Variants in QSOX1 observed in about 807,000 individuals in gnomAD.
QSOX1 encodes the protein quiescin sulfhydryl oxidase 1, also known as sulfhydryl oxidase 1.
In QSOX1, 40 loss-of-function variants were observed where a neutral mutation model predicts 76.1. That is an observed-to-expected ratio of 0.53 (90% confidence interval 0.41 to 0.68). QSOX1 has a LOEUF of 0.68. Ranked by LOEUF, QSOX1 falls within the 30% of genes least tolerant of loss-of-function variation. QSOX1 has a pLI of 0.00. For synonymous variants in QSOX1, 392 were observed against 413.1 expected (o/e 0.95, Z 0.62); for missense variants, 931 against 974.3 (o/e 0.96, Z 0.59).
At chr1:180,169,666 TG>T (rs1662718049) in intron 2 of QSOX1, among the ~76,000 whole-genome samples, 1 of 152,208 alleles carries the variant, frequency 6.6e-6, no homozygotes, top group Non-Finnish European at 1.5e-5. Context: ...GGGCCACCCG[TG>T]GGGCTGCTGG....
intron 5 of QSOX1, among the ~76,000 whole-genome samples, chr1:180,180,489 C>T (rs541127130): frequency 1.8e-4 from 28 of 152,238 alleles, no homozygotes; most frequent in East Asian, 7.7e-4. Context: ...GGATTACAGA[C>T]GTGAGCCACT....
intron 8 of QSOX1, 66 bp from the exon 9 acceptor site, chr1:180,189,486 T>A: frequency 1.0e-6 from 1 of 953,274 alleles, no homozygotes; most frequent in Non-Finnish European, 1.4e-6. Flanking sequence ...CTTCCTACCA[T>A]CTGCAGGACG....
intron 11 of QSOX1, among the ~76,000 whole-genome samples, chr1:180,195,670 TC>T (rs1196857153): frequency 6.6e-6 from 1 of 151,712 alleles, no homozygotes; most frequent in Non-Finnish European, 1.5e-5. Flanking sequence ...CCCTCAGGTC[TC>T]CCCCCAACTA....
intron 3 of QSOX1, among the ~76,000 whole-genome samples, 155 bp downstream of exon 3, chr1:180,175,521 T>C (rs1662867724): frequency 1.3e-5 from 2 of 152,122 alleles, no homozygotes; most frequent in South Asian, 4.1e-4. Flanking sequence ...TTCCCAAAAC[T>C]ATCCTCCCAG....
intron 1 of QSOX1, among the ~76,000 whole-genome samples, chr1:180,165,965 T>C (rs574769211): frequency 6.6e-6 from 1 of 152,308 alleles, no homozygotes; most frequent in Non-Finnish European, 1.5e-5. Context: ...GGGGACCCAG[T>C]TCCTGATACC....
chr1:180,157,842 A>G (rs1337210085), intron 1 of QSOX1, among the ~76,000 whole-genome samples: 2 of 152,226 alleles, frequency 1.3e-5, no homozygotes, highest in African/African-American at 4.8e-5. Flanking sequence ...GCAGTTGGGG[A>G]AATGAGCTAC....
intron 1 of QSOX1, among the ~76,000 whole-genome samples, chr1:180,165,797 G>C (rs1472042654): frequency 6.6e-6 from 1 of 152,248 alleles, no homozygotes; most frequent in East Asian, 1.9e-4. Context: ...TTTCTTCTCA[G>C]TTCCTGGGCT....
chr1:180,164,153 C>A (rs1352639588), intron 1 of QSOX1, among the ~76,000 whole-genome samples: 2 of 152,144 alleles, frequency 1.3e-5, no homozygotes, highest in African/African-American at 4.8e-5. Context: ...TGCAACAGGC[C>A]CTGACCATAC....
chr1:180,167,964 T>A (rs1252397373), intron 2 of QSOX1, among the ~76,000 whole-genome samples: 1 of 152,200 alleles, frequency 6.6e-6, no homozygotes, highest in Non-Finnish European at 1.5e-5. Flanking sequence ...GAACCATCAT[T>A]CACAGGCTGA....
intron 10 of QSOX1, among the ~76,000 whole-genome samples, chr1:180,191,565 CAT>C (rs1053342628): frequency 2.0e-5 from 3 of 152,250 alleles, no homozygotes; most frequent in African/African-American, 7.2e-5. Context: ...GACACAGCAG[CAT>C]ATGAGACAGG....
At chr1:180,157,330 C>G (rs985964996) in intron 1 of QSOX1, among the ~76,000 whole-genome samples, 1 of 152,200 alleles carries the variant, frequency 6.6e-6, no homozygotes, top group African/African-American at 2.4e-5. Flanking sequence ...GTCCTCCACT[C>G]TAACCCAAAG....
intron 11 of QSOX1, among the ~76,000 whole-genome samples, chr1:180,194,997 G>GGGGT (rs1553275527): frequency 7.3e-6 from 1 of 137,728 alleles, no homozygotes; most frequent in African/African-American, 2.8e-5. Context: ...ACAGCCTCCC[G>GGGGT]GGGGGGGGAG....
rs969985291 is a variant in QSOX1, at chr1:180,186,153, C to T, written c.988C>T (p.Leu330=). The T allele has an allele frequency of 1.2e-6, 2 of 1,613,846 alleles. No homozygotes were observed. Among genetic ancestry groups the T allele is most frequent in the African/African-American group, 1.3e-5 (1 of 75,056 alleles). Reference sequence around the variant, plus strand: ...CCTGGAAGGGCAGCGCCTGGTGGCCCTGAAAAAGTTTGTGGCAGTGCTGGC... The same window carrying T: ...CCTGGAAGGGCAGCGCCTGGTGGCCTTGAAAAAGTTTGTGGCAGTGCTGGC... ...PVLEGQRLVA[L]KKFVAVLAKY... Residue 330 remains leucine (L), a synonymous_variant, in exon 8 of 12, where the codon CTG becomes TTG. Transcript: ENST00000367602.
Position 180,155,142 on chromosome 1 carries a change from A to C in QSOX1, c.235A>C (p.Thr79Pro). Residue 79 changes from threonine to proline, a missense_variant, in exon 1 of 12, where the codon ACG (threonine) becomes CCG (proline). Transcript: ENST00000367602. ...WCGHCIAFAPTWKALAEDVKA... is the reference protein window; with the variant it reads ...WCGHCIAFAPPWKALAEDVKA... ...CGGCCACTGCATCGCCTTCGCCCCGACGTGGAAGGCGCTGGCCGAAGACGT... is the reference window on the plus strand; with the variant it reads ...CGGCCACTGCATCGCCTTCGCCCCGCCGTGGAAGGCGCTGGCCGAAGACGT... The C allele has an allele frequency of 6.6e-7, 1 of 1,520,540 alleles. No homozygotes were observed. Among genetic ancestry groups the C allele is most frequent in the East Asian group, 2.7e-5 (1 of 37,606 alleles). The allele number at this position is 1,520,540 out of a possible 1,614,324, so 94.2% of individuals were successfully genotyped here.
chr1:180,184,108 C>A, intron 7 of QSOX1, 58 bp downstream of exon 7: 1 of 1,570,724 alleles, frequency 6.4e-7, no homozygotes. Flanking sequence ...CAGACCACCA[C>A]ACCTTCACAC....
intron 1 of QSOX1, among the ~76,000 whole-genome samples, chr1:180,158,339 A>G (rs1662416856): frequency 6.6e-6 from 1 of 152,234 alleles, no homozygotes; most frequent in Non-Finnish European, 1.5e-5. Flanking sequence ...CTTCCACGGC[A>G]CAGGCCACAT....
chr1:180,154,937 G>C lies in QSOX1; in HGVS notation c.30G>C (p.Pro10=). 1.4e-6 allele frequency: 2 copies of C among 1,478,112 alleles called. No homozygotes were observed. The highest frequency in any genetic ancestry group is 1.8e-6 in the Non-Finnish European group (2 of 1,123,268). The allele number at this position is 1,478,112 out of a possible 1,614,324, so 91.6% of individuals were successfully genotyped here. Residue 10 remains proline (P), a synonymous_variant, in exon 1 of 12, where the codon CCG becomes CCC. Transcript: ENST00000367602. MRRCNSGSG[P]PPSLLLLLLW... Reference sequence around the variant, plus strand: ...GGAGGTGCAACAGCGGCTCCGGGCCGCCGCCGTCGCTGCTGCTGCTGCTGC... The same window carrying C: ...GGAGGTGCAACAGCGGCTCCGGGCCCCCGCCGTCGCTGCTGCTGCTGCTGC...
At chr1:180,164,086 A>G (rs796559854) in intron 1 of QSOX1, among the ~76,000 whole-genome samples, 21 of 152,324 alleles carry the variant, frequency 1.4e-4, no homozygotes, top group African/African-American at 5.1e-4. Context: ...ATGTGGAGGC[A>G]GGTGGGGATC....
In QSOX1 at chr1:180,195,272, C is replaced by T. The variant is rs370651968; in HGVS notation, c.1468+880C>T. 9.9e-5 allele frequency among the ~76,000 whole-genome samples: 15 copies of T among 152,250 alleles called. No homozygotes were observed. In the East Asian group the frequency reaches 1.4e-3, roughly 14 times the overall value. On this transcript the variant is annotated intron_variant, in intron 11 of 11. Coordinates refer to ENST00000367602, the MANE Select transcript of QSOX1 (RefSeq NM_002826.5). ...GCCAGAAGCAGGGTGGTTCCCTCCC[C>T]TCTCTGGTGGGGTCCTTTCAGAAGA...
Sources: gnomAD v4.1 joint callset for allele counts (sites outside exome capture counted in the v4.1 genomes callset) on GRCh38, gnomAD v4.1.1 for gene constraint, MANE v1.5 for transcripts, NCBI Gene and HGNC (gene_info 2026-07-23, HGNC 2026-07-21) for gene names.